The following KCNT1 variants were observed in gnomAD, a reference collection of about 807,000 sequenced individuals.
The protein encoded by KCNT1 is potassium sodium-activated channel subfamily T member 1.
KCNT1 carries 78 observed loss-of-function variants against 147.8 expected under a neutral mutation model. That is an observed-to-expected ratio of 0.53 (90% CI 0.44 to 0.64). KCNT1 has a LOEUF of 0.64. Among genes scored for constraint, KCNT1 ranks in the 30% least tolerant of loss-of-function variants. The pLI, the probability that KCNT1 is intolerant of heterozygous loss-of-function variation, is 0.00. For synonymous variants in KCNT1, 867 were observed against 748.8 expected (o/e 1.16, Z -2.58); for missense variants, 1,419 against 1,750.3 (o/e 0.81, Z 3.38).
intron 13 of KCNT1, among the ~76,000 whole-genome samples, chr9:135,766,511 C>A (rs1832295916): frequency 1.3e-5 from 2 of 151,518 alleles, no homozygotes; most frequent in African/African-American, 4.8e-5. Flanking sequence ...GGTGGGCCAT[C>A]CATGGTGGAC....
At chr9:135,732,766 C>CTCAT (rs1180203001) in intron 2 of KCNT1, among the ~76,000 whole-genome samples, 1 of 151,472 alleles carries the variant, frequency 6.6e-6, no homozygotes, top group Admixed American at 6.6e-5. Context: ...CTCTCTCTCT[C>CTCAT]TCTCTCTCTC....
intron 18 of KCNT1, among the ~76,000 whole-genome samples, chr9:135,771,475 A>G (rs536430622): frequency 5.3e-5 from 8 of 152,312 alleles, no homozygotes; most frequent in African/African-American, 1.4e-4. Context: ...CACTGTGTCC[A>G]AGTGCCTGTC....
At chr9:135,709,069 G>A (rs909888076) in intron 1 of KCNT1, among the ~76,000 whole-genome samples, 1 of 152,178 alleles carries the variant, frequency 6.6e-6, no homozygotes, top group Non-Finnish European at 1.5e-5. Flanking sequence ...AGCACAATGG[G>A]TGAGACGCTG....
In KCNT1 at chr9:135,770,059, A is replaced by G; in HGVS notation, c.1619+4A>G. The stretch of plus-strand genomic sequence containing the variant: ...TGGTGCACACGTCCCGCGGCCAGTG[A>G]GTGCCCCGTGCCCCGGGGGACCGAC... On this transcript the variant is annotated splice_donor_region_variant and intron_variant, in intron 16 of 30. Coordinates refer to ENST00000371757, the MANE Select transcript of KCNT1 (RefSeq NM_020822.3). 1 of 1,548,158 alleles carries G rather than the reference A, an allele frequency of 6.5e-7. No individual in the cohort carries two copies. The highest frequency in any genetic ancestry group is 8.7e-7 in the Non-Finnish European group (1 of 1,145,984).
intron 2 of KCNT1, among the ~76,000 whole-genome samples, chr9:135,731,592 G>A (rs1025406637): frequency 5.3e-5 from 8 of 152,168 alleles, no homozygotes; most frequent in South Asian, 2.1e-4. Context: ...CATTTGTGCC[G>A]CGTTCTCTCA....
chr9:135,742,329 G>T (rs1403405112), intron 2 of KCNT1, among the ~76,000 whole-genome samples: 1 of 152,242 alleles, frequency 6.6e-6, no homozygotes, highest in Non-Finnish European at 1.5e-5. Context: ...CACACATGGG[G>T]CCTGGGCTGG....
chr9:135,774,934 GC>G (rs997205821), intron 19 of KCNT1, among the ~76,000 whole-genome samples: 20 of 152,134 alleles, frequency 1.3e-4, no homozygotes, highest in African/African-American at 4.6e-4. Context: ...CCCTGATGGG[GC>G]TAAGTCCATG....
chr9:135,735,812 T>A (rs1186652199), intron 2 of KCNT1, among the ~76,000 whole-genome samples: 3 of 152,172 alleles, frequency 2.0e-5, no homozygotes, highest in Non-Finnish European at 4.4e-5. Context: ...GGGGCGCATC[T>A]GACAGCCTCC....
chr9:135,791,849 G>A lies in KCNT1; in HGVS notation c.3555G>A (p.Pro1185=), dbSNP rs144068763. The A allele has an allele frequency of 3.4e-5, 55 of 1,613,854 alleles. No homozygotes were observed. Among genetic ancestry groups the A allele is most frequent in the Admixed American group, 1.0e-4 (6 of 60,000 alleles). ...TCTCCTACGTCCTCATCAACCCTCC[G>A]CCCGACACGAGGCTGGAGCCCAGTG... ...NTLSYVLINP[P]PDTRLEPSDI... The change falls in exon 30 of 31, where the codon CCG becomes CCA. Residue 1185 remains proline (P), a synonymous_variant. Transcript: ENST00000371757.
intron 2 of KCNT1, among the ~76,000 whole-genome samples, chr9:135,745,289 GTC>G (rs2131393502): frequency 6.6e-6 from 1 of 152,264 alleles, no homozygotes; most frequent in South Asian, 2.1e-4. Flanking sequence ...GGAGTTCTCG[GTC>G]ATCTCCCACC....
chr9:135,734,707 G>C (rs982197397), intron 2 of KCNT1, among the ~76,000 whole-genome samples: 2 of 152,184 alleles, frequency 1.3e-5, no homozygotes, highest in Non-Finnish European at 2.9e-5. Flanking sequence ...GCCGCCCCGG[G>C]TGGGCGCGCG....
Position 135,782,351 on chromosome 9 carries a change from G to A in KCNT1, c.2842-1673G>A, listed in dbSNP as rs143872411. ...TCCCCTGAGGCCCACCTCCCCTGCC[G>A]TCCACCTCCCCTGGTCTCCAGCACC... On this transcript the variant is annotated intron_variant, in intron 24 of 30. Transcript: ENST00000371757. Among the ~76,000 whole-genome samples the A allele has an allele frequency of 3.1e-3, 467 of 152,196 alleles. 6 individuals carry two copies. Among genetic ancestry groups the A allele is most frequent in the Admixed American group, 0.021 (324 of 15,284 alleles).
In KCNT1 at chr9:135,728,836, C is replaced by T. The variant is rs116874244; in HGVS notation, c.254+14116C>T. 6.3e-3 allele frequency among the ~76,000 whole-genome samples: 957 copies of T among 152,308 alleles called. 3 individuals carry two copies. The highest frequency in any genetic ancestry group is 0.01 in the Non-Finnish European group (695 of 68,022). On this transcript the variant is annotated intron_variant, in intron 2 of 30. Coordinates refer to ENST00000371757, the MANE Select transcript of KCNT1 (RefSeq NM_020822.3). ...CCCCTTTTTAATCTGGAACAGCTCC[C>T]ACCAGGCGGGTCCCCCAGGATTTCC...
intron 2 of KCNT1, among the ~76,000 whole-genome samples, chr9:135,735,629 C>T (rs1262379300): frequency 6.6e-6 from 1 of 152,116 alleles, no homozygotes; most frequent in Non-Finnish European, 1.5e-5. Flanking sequence ...GGAGTTGGTG[C>T]TGTCAGGGGG....
Position 135,765,201 on chromosome 9 carries a change from G to C in KCNT1, c.1200+6G>C. ...ACGCCCACCCCCGGCTCCAGGTGAG[G>C]CCCCTTACCGTGGCCCAGCAGACGA... is the stretch of plus-strand genomic sequence containing the variant. On this transcript the variant is annotated splice_donor_region_variant and intron_variant, in intron 12 of 30. Transcript: ENST00000371757. The C allele has an allele frequency of 6.2e-7, 1 of 1,607,282 alleles. No homozygotes were observed.
chr9:135,777,306 A>G, intron 20 of KCNT1, 32 bp from the exon 21 acceptor site: 1 of 1,578,542 alleles, frequency 6.3e-7, no homozygotes, highest in Non-Finnish European at 8.6e-7. Flanking sequence ...CACAGCCCTG[A>G]CTCCAGCCCT....
At chr9:135,744,781 G>A (rs1342753417) in intron 2 of KCNT1, among the ~76,000 whole-genome samples, 1 of 152,224 alleles carries the variant, frequency 6.6e-6, no homozygotes, top group African/African-American at 2.4e-5. Flanking sequence ...CACCCCAGGG[G>A]GTACACAAGG....
At position 135,770,355 on chromosome 9, in the gene KCNT1, C is replaced by T. The variant is rs1028802868; in HGVS notation, c.1677C>T (p.Asn559=). The T allele has an allele frequency of 1.1e-5, 17 of 1,612,878 alleles. No individual in the cohort carries two copies. Among genetic ancestry groups the T allele is most frequent in the Admixed American group, 5.0e-5 (3 of 59,968 alleles). Reference sequence around the variant, plus strand: ...GCATGTATGGGCGCTGCTCCGGCAACGAGGTGTACCACATCCGCATGGGTG... The same window carrying T: ...GCATGTATGGGCGCTGCTCCGGCAATGAGGTGTACCACATCCGCATGGGTG... ...WQRMYGRCSG[N]EVYHIRMGDS... is the part of the protein sequence containing the mutation. Residue 559 remains asparagine (N), a synonymous_variant, in exon 17 of 31, where the codon AAC becomes AAT. Transcript: ENST00000371757.
intron 2 of KCNT1, among the ~76,000 whole-genome samples, chr9:135,728,861 C>T (rs1051334749): frequency 6.6e-6 from 1 of 152,204 alleles, no homozygotes; most frequent in African/African-American, 2.4e-5. Flanking sequence ...CCAGGATTTC[C>T]CACCCTACCC....
Sources: gnomAD v4.1 joint callset for allele counts (sites outside exome capture counted in the v4.1 genomes callset) on GRCh38, gnomAD v4.1.1 for gene constraint, MANE v1.5 for transcripts, NCBI Gene and HGNC (gene_info 2026-07-23, HGNC 2026-07-21) for gene names.